Variants in RBFOX3 observed in about 807,000 individuals in gnomAD.
RBFOX3 encodes the protein RNA binding protein fox-1 homolog 3.
RBFOX3 carries 17 observed loss-of-function variants against 48.7 expected under a neutral mutation model. That is an observed-to-expected ratio of 0.35 (90% CI 0.24 to 0.52). The LOEUF is 0.52. Among genes scored for constraint, RBFOX3 ranks in the 20% least tolerant of loss-of-function variants. RBFOX3 has a pLI of 0.94. For missense variants in RBFOX3, 382 were observed against 497.5 expected, an observed-to-expected ratio of 0.77 and a Z score of 2.21; for synonymous variants, 212 against 209.5, an observed-to-expected ratio of 1.01 and a Z score of -0.10.
In RBFOX3 at chr17:79,574,718, T is replaced by C. The variant is rs1303217820; in HGVS notation, c.-320+36108A>G. Among the ~76,000 whole-genome samples, 6 of 152,210 alleles carry C rather than the reference T, an allele frequency of 3.9e-5. No individual in the cohort carries two copies. The East Asian group carries it at 1.2e-3, about 29-fold the overall frequency. On this transcript the variant is annotated intron_variant, in intron 1 of 14. Coordinates refer to ENST00000693108, the MANE Select transcript of RBFOX3 (RefSeq NM_001350451.2). ...CCATTCTTTTATTCCTTTACTTTCC[T>C]AATAAACTTGCTTTTCACTTTAAAA...
chr17:79,094,319 G>T, intron 14 of RBFOX3, 132 bp downstream of exon 14: 1 of 598,822 alleles, frequency 1.7e-6, no homozygotes, highest in Non-Finnish European at 2.7e-6. Context: ...CTCACATCCA[G>T]GCCGTGGTCC....
At chr17:79,230,968 A>G (rs1020976437) in intron 4 of RBFOX3, among the ~76,000 whole-genome samples, 3 of 152,046 alleles carry the variant, frequency 2.0e-5, no homozygotes, top group Non-Finnish European at 4.4e-5. Context: ...GCTGAAGACT[A>G]GTTTTCAAGA....
chr17:79,626,684 G>A, the RBFOX3 span, among the ~76,000 whole-genome samples: 420 of 152,316 alleles, frequency 2.8e-3, 3 homozygotes, highest in African/African-American at 8.4e-3. Flanking sequence ...TCCAGCTCCC[G>A]GGTCACACAC....
the RBFOX3 span, among the ~76,000 whole-genome samples, chr17:79,624,902 G>T: frequency 5.3e-5 from 8 of 150,634 alleles, no homozygotes; most frequent in Non-Finnish European, 7.4e-5. Context: ...CAAGGAAGGG[G>T]TCCCCACCAC....
intron 3 of RBFOX3, among the ~76,000 whole-genome samples, chr17:79,259,337 CGCA>C (rs1484140287): frequency 6.6e-6 from 1 of 152,212 alleles, no homozygotes; most frequent in Non-Finnish European, 1.5e-5. Flanking sequence ...CTGCAGGACC[CGCA>C]GCCCTGTGGC....
In RBFOX3 at chr17:79,527,320, C is replaced by G. The variant is rs1485606000; in HGVS notation, c.-319-44722G>C. 3.3e-5 allele frequency among the ~76,000 whole-genome samples: 5 copies of G among 152,234 alleles called. No homozygotes were observed. In the East Asian group the frequency reaches 9.6e-4, roughly 29 times the overall value. ...CTCTTTTCTTTCTCCAATTGCCCTT[C>G]TAGGAGAGAGAAGAAAAGCCAGGTC... On this transcript the variant is annotated intron_variant, in intron 1 of 14. Transcript: ENST00000693108.
intron 13 of RBFOX3, among the ~76,000 whole-genome samples, chr17:79,094,922 A>G (rs62063831): frequency 0.24 from 36,247 of 152,054 alleles, 4,491 homozygotes; most frequent in East Asian, 0.35. Flanking sequence ...AGGGTCAACG[A>G]GGAGGGACCA....
At chr17:79,445,663 G>A (rs144587411) in intron 2 of RBFOX3, among the ~76,000 whole-genome samples, 15 of 152,336 alleles carry the variant, frequency 9.8e-5, no homozygotes, top group South Asian at 6.2e-4. Flanking sequence ...GGGCAAAGCC[G>A]GGGAGGCAGA....
At chr17:79,239,703 G>A (rs1282958541) in intron 3 of RBFOX3, among the ~76,000 whole-genome samples, 1 of 152,268 alleles carries the variant, frequency 6.6e-6, no homozygotes, top group Non-Finnish European at 1.5e-5. Flanking sequence ...CCCATGGGCA[G>A]AGGCCATATC....
chr17:79,501,073 C>A lies in RBFOX3; in HGVS notation c.-319-18475G>T, dbSNP rs895167959. Among the ~76,000 whole-genome samples, 14 of 152,300 alleles carry A rather than the reference C, an allele frequency of 9.2e-5. No homozygotes were observed. In the South Asian group the frequency reaches 2.9e-3, roughly 32 times the overall value. On this transcript the variant is annotated intron_variant, in intron 1 of 14. Coordinates refer to ENST00000693108, the MANE Select transcript of RBFOX3 (RefSeq NM_001350451.2). ...ACCATTAGGGATTCCGCACAGCGCACGTGGCGTAAATCACTTCCTATTCAG... is the reference window on the plus strand; with the variant it reads ...ACCATTAGGGATTCCGCACAGCGCAAGTGGCGTAAATCACTTCCTATTCAG...
At chr17:79,276,480 G>A (rs1413808689) in intron 3 of RBFOX3, among the ~76,000 whole-genome samples, 2 of 152,188 alleles carry the variant, frequency 1.3e-5, no homozygotes, top group Non-Finnish European at 2.9e-5. Flanking sequence ...GAGGTCAGGA[G>A]TTCGAGACCA....
chr17:79,092,764 C>T (rs2074207646), intron 14 of RBFOX3: 1 of 463,194 alleles, frequency 2.2e-6, no homozygotes, highest in South Asian at 9.2e-5. Flanking sequence ...TTCTTTCCCC[C>T]TATATTCCTT....
At chr17:79,121,599 G>A (rs2035757795) in intron 4 of RBFOX3, among the ~76,000 whole-genome samples, 1 of 152,182 alleles carries the variant, frequency 6.6e-6, no homozygotes, top group East Asian at 1.9e-4. Flanking sequence ...GATGTGTCCA[G>A]TCCTTGTCTG....
chr17:79,653,761 G>A, the RBFOX3 span, among the ~76,000 whole-genome samples: 95 of 6,790 alleles, frequency 0.014, no homozygotes, highest in African/African-American at 0.057. Context: ...TTTGCATGTC[G>A]TGGTTTTTTT....
chr17:79,612,963 G>T (rs2093980283), upstream of RBFOX3, among the ~76,000 whole-genome samples: 1 of 152,190 alleles, frequency 6.6e-6, no homozygotes, highest in Non-Finnish European at 1.5e-5. Context: ...AGACCCTACT[G>T]CCCTTTGGAG....
At chr17:79,356,048 T>G (rs1385962873) in intron 2 of RBFOX3, among the ~76,000 whole-genome samples, 2 of 152,184 alleles carry the variant, frequency 1.3e-5, no homozygotes, top group Admixed American at 1.3e-4. Flanking sequence ...CTTTCCCCTC[T>G]CCTGAATTAG....
At chr17:79,373,091 C>T (rs1263590443) in intron 2 of RBFOX3, among the ~76,000 whole-genome samples, 2 of 152,154 alleles carry the variant, frequency 1.3e-5, no homozygotes, top group African/African-American at 4.8e-5. Flanking sequence ...GGCCTGGCCT[C>T]CAAAGCTTGC....
At chr17:79,582,009 TGTGCCTGTGCGTGCCTGTGC>T (rs1290078953) in intron 1 of RBFOX3, among the ~76,000 whole-genome samples, 2 of 149,584 alleles carry the variant, frequency 1.3e-5, no homozygotes, top group Non-Finnish European at 3.0e-5. Flanking sequence ...TGCCCGTGTA[TGTGCCTGTGCGTGCCTGTGC>T]GTGCCTGTGT....
intron 4 of RBFOX3, among the ~76,000 whole-genome samples, chr17:79,229,363 C>A (rs1260664316): frequency 1.3e-5 from 2 of 150,970 alleles, no homozygotes. Flanking sequence ...TTGACACCAG[C>A]CTGACCAACA....
Sources: allele counts gnomAD v4.1 joint callset (sites outside exome capture counted in the v4.1 genomes callset), GRCh38; gene constraint gnomAD v4.1.1; transcripts MANE v1.5; gene names NCBI Gene and HGNC (gene_info 2026-07-23, HGNC 2026-07-21).